The following NUP98 variants were observed in gnomAD, a reference collection of about 807,000 sequenced individuals.
The protein encoded by NUP98 is nuclear pore complex protein Nup98-Nup96.
NUP98 carries 26 observed loss-of-function variants against 191.9 expected under a neutral mutation model. The ratio of observed to expected loss-of-function variants is 0.14; its 90% CI spans 0.10 to 0.19. NUP98 has a LOEUF of 0.19. NUP98 is among the 10% of genes least tolerant of loss of function. NUP98 has a pLI of 1.00. For missense variants in NUP98, 1,941 were observed against 2,178.8 expected (o/e 0.89, Z 2.17); for synonymous variants, 808 against 778.4 (o/e 1.04, Z -0.63).
chr11:3,736,763 T>C (rs1336431068), intron 12 of NUP98, among the ~76,000 whole-genome samples: 4 of 152,244 alleles, frequency 2.6e-5, no homozygotes, highest in East Asian at 1.9e-4. Context: ...AAATATTATG[T>C]ACATTAAGGC....
intron 30 of NUP98, among the ~76,000 whole-genome samples, chr11:3,680,806 C>G (rs192414945): frequency 2.6e-5 from 4 of 152,284 alleles, no homozygotes; most frequent in East Asian, 1.9e-4. Context: ...TCTTGGCCCC[C>G]CAAAGTGCTG....
intron 1 of NUP98, among the ~76,000 whole-genome samples, chr11:3,788,849 A>G (rs761975713): frequency 6.6e-6 from 1 of 152,056 alleles, no homozygotes; most frequent in Non-Finnish European, 1.5e-5. Context: ...CGGGAGGCTG[A>G]GGCAGGAGAA....
In NUP98 at chr11:3,712,573, A is replaced by C; in HGVS notation, c.2733T>G (p.Pro911=). ...GTCCTTTTTTCTCTACCTGAGGTGG[A>C]GGTGCAGGTTTGCCATTAAGAGCCA... ...LQMALNGKPA[P]PPQSQSPEVE... Residue 911 remains proline, a synonymous_variant, in exon 20 of 33, where the codon CCT becomes CCG. Coordinates refer to ENST00000324932, the MANE Select transcript of NUP98 (RefSeq NM_016320.5). The C allele has an allele frequency of 6.2e-7, 1 of 1,613,794 alleles. No individual in the cohort carries two copies. Among genetic ancestry groups the C allele is most frequent in the Non-Finnish European group, 8.5e-7 (1 of 1,179,900 alleles).
chr11:3,763,465 A>T (rs1192196617), intron 8 of NUP98, among the ~76,000 whole-genome samples: 3 of 152,228 alleles, frequency 2.0e-5, no homozygotes, highest in African/African-American at 7.2e-5. Flanking sequence ...ACTAATCAGT[A>T]TCAAGCTGGG....
At chr11:3,744,680 C>T in intron 11 of NUP98, 31 bp from the exon 12 acceptor site, 1 of 1,580,148 alleles carries the variant, frequency 6.3e-7, no homozygotes. Flanking sequence ...AAAAAAGCAC[C>T]ACAGAAGATC....
At chr11:3,740,979 T>C (rs2080263526) in intron 12 of NUP98, among the ~76,000 whole-genome samples, 1 of 151,734 alleles carries the variant, frequency 6.6e-6, no homozygotes, top group Non-Finnish European at 1.5e-5. Context: ...CCACCATACC[T>C]GGCTAGTTTT....
At position 3,771,934 on chromosome 11, in the gene NUP98, G is replaced by A; in HGVS notation, c.604-6C>T. ...TAATCCTCTAAACGAAGTTCCTGAA[G>A]GGAGGGAAAACATATTTCTAATCTT... On this transcript the variant is annotated splice_region_variant and splice_polypyrimidine_tract_variant and intron_variant, in intron 6 of 32. Transcript: ENST00000324932. 1 of 1,611,042 alleles carries A rather than the reference G, an allele frequency of 6.2e-7. No individual in the cohort carries two copies. The highest frequency in any genetic ancestry group is 8.5e-7 in the Non-Finnish European group (1 of 1,177,992).
chr11:3,704,989 C>CAG (rs1243498960), intron 22 of NUP98, among the ~76,000 whole-genome samples: 4 of 152,228 alleles, frequency 2.6e-5, no homozygotes, highest in Admixed American at 6.5e-5. Context: ...GTCTGTGCAA[C>CAG]AGAGAGAGAC....
At chr11:3,741,218 T>TA (rs1364199734) in intron 12 of NUP98, among the ~76,000 whole-genome samples, 2 of 151,984 alleles carry the variant, frequency 1.3e-5, no homozygotes, top group South Asian at 2.1e-4. Context: ...AGAAGAACGC[T>TA]AAAAAAATTT....
intron 1 of NUP98, among the ~76,000 whole-genome samples, chr11:3,789,230 TA>T (rs1564934807): frequency 6.6e-6 from 1 of 152,146 alleles, no homozygotes; most frequent in Non-Finnish European, 1.5e-5. Flanking sequence ...ATTTATAATT[TA>T]AAAAGCATAA....
At chr11:3,716,536 T>G (rs1250787685) in intron 18 of NUP98, among the ~76,000 whole-genome samples, 1 of 151,734 alleles carries the variant, frequency 6.6e-6, no homozygotes, top group Non-Finnish European at 1.5e-5. Flanking sequence ...AGGCAAAACC[T>G]CATCTCTACA....
chr11:3,676,500 G>A lies in NUP98; in HGVS notation c.5185+9C>T. On this transcript the variant is annotated intron_variant, in intron 32 of 32. Transcript: ENST00000324932. ...GAAGGCAGAAAGAGTGAGGAGGTTA[G>A]AGGCTTACCTGACTGAGCCAGGCGA... The A allele has an allele frequency of 6.2e-7, 1 of 1,612,098 alleles. No homozygotes were observed. The highest frequency in any genetic ancestry group is 8.5e-7 in the Non-Finnish European group (1 of 1,178,126).
intron 6 of NUP98, among the ~76,000 whole-genome samples, 190 bp from the exon 7 acceptor site, chr11:3,772,118 A>G (rs535132538): frequency 2.6e-5 from 4 of 152,320 alleles, no homozygotes; most frequent in African/African-American, 9.6e-5. Context: ...AATCCATACC[A>G]TAATTATCAT....
chr11:3,767,038 C>G (rs939756356), intron 8 of NUP98, among the ~76,000 whole-genome samples: 1 of 152,138 alleles, frequency 6.6e-6, no homozygotes, highest in African/African-American at 2.4e-5. Context: ...AATCTCGGCT[C>G]ACCGCAACTT....
At chr11:3,761,975 G>A (rs113436365) in intron 9 of NUP98, among the ~76,000 whole-genome samples, 2,093 of 151,912 alleles carry the variant, frequency 0.014, 44 homozygotes, top group African/African-American at 0.048. Flanking sequence ...AACAACAACA[G>A]AAGTACTAGA....
chr11:3,712,355 C>T (rs2079045023), intron 20 of NUP98: 1 of 1,374,612 alleles, frequency 7.3e-7, no homozygotes, highest in Middle Eastern at 2.7e-4. Context: ...ATAATCCAAA[C>T]AGCAAGAGAA....
At chr11:3,758,308 G>C (rs561292064) in intron 10 of NUP98, among the ~76,000 whole-genome samples, 1 of 147,936 alleles carries the variant, frequency 6.8e-6, no homozygotes, top group Non-Finnish European at 1.5e-5. Flanking sequence ...GAGACAGAGC[G>C]AGACTCCGTC....
chr11:3,788,694 G>A lies in NUP98; in HGVS notation c.-28-6549C>T, dbSNP rs550868419. The stretch of plus-strand genomic sequence containing the variant: ...GGCACGGTGGCTCACGCATGTAATC[G>A]CACCATTTTGGGAGGCCCAAAGTGG... On this transcript the variant is annotated intron_variant, in intron 1 of 32. Transcript: ENST00000324932. 3.9e-5 allele frequency among the ~76,000 whole-genome samples: 6 copies of A among 152,200 alleles called. No individual in the cohort carries two copies. The South Asian group carries it at 6.2e-4, about 16-fold the overall frequency.
At chr11:3,746,104 T>C (rs538074122) in intron 11 of NUP98, among the ~76,000 whole-genome samples, 11 of 151,484 alleles carry the variant, frequency 7.3e-5, no homozygotes, top group South Asian at 4.2e-4. Context: ...ACCCTGTCTC[T>C]ACTAAAAATA....
Sources: gnomAD v4.1 joint callset for allele counts (sites outside exome capture counted in the v4.1 genomes callset) on GRCh38, gnomAD v4.1.1 for gene constraint, MANE v1.5 for transcripts, NCBI Gene and HGNC (gene_info 2026-07-23, HGNC 2026-07-21) for gene names.